GALNT14: variants seen among roughly 807,000 people sequenced by gnomAD.
GALNT14 encodes polypeptide N-acetylgalactosaminyltransferase 14, also known as UDP-GalNAc:polypeptide N-acetylgalactosaminyltransferase 14.
In GALNT14, 60 loss-of-function variants were observed where a neutral mutation model predicts 77.5. The ratio of observed to expected loss-of-function variants is 0.77; its 90% CI spans 0.63 to 0.96. The LOEUF is 0.96. GALNT14 is among the 40% of genes least tolerant of loss of function. GALNT14 has a pLI of 0.00. For synonymous variants in GALNT14, 280 were observed against 281.7 expected (o/e 0.99, Z 0.06); for missense variants, 710 against 731.0 (o/e 0.97, Z 0.33).
intron 1 of GALNT14, among the ~76,000 whole-genome samples, chr2:31,037,611 T>C (rs558306831): frequency 1.3e-5 from 2 of 152,266 alleles, no homozygotes; most frequent in South Asian, 4.1e-4. Flanking sequence ...TTTCAATTCA[T>C]ATAATGTGGA....
intron 1 of GALNT14, among the ~76,000 whole-genome samples, chr2:31,111,549 C>G (rs1454874171): frequency 6.6e-6 from 1 of 152,182 alleles, no homozygotes; most frequent in Non-Finnish European, 1.5e-5. Flanking sequence ...TGGCTTTAAA[C>G]TACAACCCAT....
intron 6 of GALNT14, 32 bp downstream of exon 6, chr2:30,955,586 G>C: frequency 6.2e-7 from 1 of 1,605,184 alleles, no homozygotes; most frequent in Non-Finnish European, 8.5e-7. Flanking sequence ...GCTGGGGCAC[G>C]AGGCCCGGCC....
chr2:30,904,282 A>G, the GALNT14 span, among the ~76,000 whole-genome samples: 1 of 152,228 alleles, frequency 6.6e-6, no homozygotes, highest in Non-Finnish European at 1.5e-5. Flanking sequence ...TGATTTCTGC[A>G]TTTCCATCTG....
intron 1 of GALNT14, among the ~76,000 whole-genome samples, chr2:31,019,423 C>T (rs1196785928): frequency 1.3e-5 from 2 of 152,200 alleles, no homozygotes; most frequent in African/African-American, 4.8e-5. Context: ...GCCCCAGCCA[C>T]ACTGTCATTT....
chr2:30,900,058 C>CTTGGTT, the GALNT14 span, among the ~76,000 whole-genome samples: 1 of 152,310 alleles, frequency 6.6e-6, no homozygotes, highest in South Asian at 2.1e-4. Flanking sequence ...GTCCACTTAA[C>CTTGGTT]TCTATTACGG....
intron 1 of GALNT14, among the ~76,000 whole-genome samples, chr2:31,072,546 C>T (rs1050124107): frequency 9.2e-5 from 14 of 152,072 alleles, no homozygotes; most frequent in African/African-American, 3.4e-4. Context: ...CCTTCCTTTG[C>T]CTCTTCCTTA....
chr2:31,093,154 T>C (rs764126162), intron 1 of GALNT14, among the ~76,000 whole-genome samples: 5 of 152,092 alleles, frequency 3.3e-5, no homozygotes, highest in Non-Finnish European at 7.4e-5. Flanking sequence ...CTGCCCACCA[T>C]GTGGGATCAG....
At chr2:31,039,809 G>A (rs963872264) in intron 1 of GALNT14, among the ~76,000 whole-genome samples, 1 of 152,168 alleles carries the variant, frequency 6.6e-6, no homozygotes, top group Non-Finnish European at 1.5e-5. Context: ...AAGAAGCAGA[G>A]ATGTTCATGC....
At chr2:31,132,099 C>T (rs1278952643) in intron 1 of GALNT14, among the ~76,000 whole-genome samples, 2 of 152,136 alleles carry the variant, frequency 1.3e-5, no homozygotes, top group South Asian at 4.1e-4. Context: ...TGGGACAGGG[C>T]CTCCTGCAGG....
rs752216188 is a variant in GALNT14 at position 31,138,104 on chromosome 2, C to T, written c.-18G>A. The stretch of plus-strand genomic sequence containing the variant: ...CGCCGCATGGTCCCCTTTGCCGCTT[C>T]CTCTCCGCGGCGCTACGTCCCGGGG... On this transcript the variant is annotated 5_prime_UTR_variant, in exon 1 of 15. Transcript: ENST00000349752. The T allele has an allele frequency of 2.5e-6, 4 of 1,613,454 alleles. No homozygotes were observed.
intron 1 of GALNT14, chr2:31,125,028 T>G: frequency 1.5e-6 from 1 of 662,178 alleles, no homozygotes. Context: ...ATGCAACTTC[T>G]CTCTCCAGAC....
rs545455412 is a variant in GALNT14, at chr2:31,080,188, G to A, written c.129+57770C>T. On this transcript the variant is annotated intron_variant, in intron 1 of 14. Coordinates refer to ENST00000349752, the MANE Select transcript of GALNT14 (RefSeq NM_024572.4). ...AGTGGGTCTGGCCACCTGAAAATTG[G>A]ACTGATACTCAGCACCTTAGGTCAG... is the stretch of plus-strand genomic sequence containing the variant. 3.9e-5 allele frequency among the ~76,000 whole-genome samples: 6 copies of A among 152,294 alleles called. No homozygotes were observed. The South Asian group carries it at 1.0e-3, about 26-fold the overall frequency.
intron 1 of GALNT14, among the ~76,000 whole-genome samples, chr2:31,136,679 A>T (rs1573399576): frequency 6.6e-6 from 1 of 152,204 alleles, no homozygotes; most frequent in African/African-American, 2.4e-5. Context: ...AGACTTGGTT[A>T]AAAAGGGGAA....
At chr2:31,093,318 A>G (rs1676848721) in intron 1 of GALNT14, among the ~76,000 whole-genome samples, 1 of 152,228 alleles carries the variant, frequency 6.6e-6, no homozygotes. Context: ...TCCATGATCA[A>G]ACTTCTGGGT....
chr2:30,992,831 G>A lies in GALNT14; in HGVS notation c.299+7C>T. 11 of 1,612,352 alleles carry A rather than the reference G, an allele frequency of 6.8e-6. No homozygotes were observed. Among genetic ancestry groups the A allele is most frequent in the Non-Finnish European group, 9.3e-6 (11 of 1,178,528 alleles). On this transcript the variant is annotated splice_region_variant and intron_variant, in intron 2 of 14. Transcript: ENST00000349752. ...GGGGGTAACAGAGTGGGAGAAGGAG[G>A]AAGTACCTCAGATGGCGAGTGTCCG...
At chr2:31,082,906 T>C (rs1676225832) in intron 1 of GALNT14, among the ~76,000 whole-genome samples, 1 of 151,974 alleles carries the variant, frequency 6.6e-6, no homozygotes, top group African/African-American at 2.4e-5. Flanking sequence ...TAGTTCCAGC[T>C]AGTAGGGAGG....
At chr2:30,949,232 T>C (rs1209910366) in intron 6 of GALNT14, among the ~76,000 whole-genome samples, 1 of 152,114 alleles carries the variant, frequency 6.6e-6, no homozygotes, top group African/African-American at 2.4e-5. Flanking sequence ...CAAAGCCTGG[T>C]GGGCAGCAGG....
chr2:30,919,280 A>G (rs1664888235), intron 13 of GALNT14, among the ~76,000 whole-genome samples: 1 of 152,198 alleles, frequency 6.6e-6, no homozygotes, highest in Non-Finnish European at 1.5e-5. Context: ...GTTTTCTGAC[A>G]TCTTCAATAC....
chr2:30,928,095 G>C (rs550664374), intron 11 of GALNT14, among the ~76,000 whole-genome samples: 14 of 152,164 alleles, frequency 9.2e-5, no homozygotes, highest in Non-Finnish European at 1.5e-4. Flanking sequence ...CAACAGATTG[G>C]AAGTTCTGAT....
Sources: allele counts gnomAD v4.1 joint callset (sites outside exome capture counted in the v4.1 genomes callset), GRCh38; gene constraint gnomAD v4.1.1; transcripts MANE v1.5; gene names NCBI Gene and HGNC (gene_info 2026-07-23, HGNC 2026-07-21).